WWP1: variants seen among roughly 807,000 people sequenced by gnomAD.
The protein encoded by WWP1 is NEDD4-like E3 ubiquitin-protein ligase WWP1.
WWP1 carries 49 observed loss-of-function variants against 130.6 expected under a neutral mutation model. The observed-to-expected ratio is 0.38, with a 90% confidence interval of 0.30 to 0.48. The LOEUF is 0.48. WWP1 is among the 20% of genes least tolerant of loss of function. WWP1 has a pLI of 0.99. For missense variants in WWP1, 809 were observed against 1,100.6 expected (o/e 0.74, Z 3.75); for synonymous variants, 332 against 367.8 (o/e 0.90, Z 1.11).
chr8:86,352,777 C>T (rs1396810426), intron 1 of WWP1, among the ~76,000 whole-genome samples: 1 of 152,178 alleles, frequency 6.6e-6, no homozygotes, highest in Non-Finnish European at 1.5e-5. Flanking sequence ...GGACTTGATC[C>T]AAACAAACTC....
At chr8:86,462,174 G>A (rs576310069) in intron 24 of WWP1, among the ~76,000 whole-genome samples, 56 of 152,228 alleles carry the variant, frequency 3.7e-4, no homozygotes, top group African/African-American at 1.1e-3. Context: ...ATAACTATTT[G>A]CAAATCCTGG....
At chr8:86,359,645 T>C (rs978641893) in intron 1 of WWP1, among the ~76,000 whole-genome samples, 1 of 152,162 alleles carries the variant, frequency 6.6e-6, no homozygotes, top group Non-Finnish European at 1.5e-5. Context: ...TGTCTATACC[T>C]GTGTTTAATC....
At chr8:86,345,466 G>T (rs1333969697) in intron 1 of WWP1, among the ~76,000 whole-genome samples, 1 of 152,120 alleles carries the variant, frequency 6.6e-6, no homozygotes. Context: ...CTGGAGTGCA[G>T]TGGCGCCTTC....
chr8:86,431,865 G>T (rs1158483045), intron 14 of WWP1, 122 bp downstream of exon 14: 2 of 1,285,608 alleles, frequency 1.6e-6, no homozygotes, highest in East Asian at 4.8e-5. Flanking sequence ...ACCTACACAA[G>T]TGAAACCTTA....
chr8:86,360,750 G>T lies in WWP1; in HGVS notation c.-114-8189G>T, dbSNP rs1823545268. Among the ~76,000 whole-genome samples the T allele has an allele frequency of 2.0e-5, 3 of 152,228 alleles. No individual in the cohort carries two copies. In the South Asian group the frequency reaches 6.2e-4, roughly 32 times the overall value. ...AGGGATCTTACCTTGCAGAGTTGGG[G>T]GTATGGATAGAAGTGAGAGGACAAA... is the stretch of plus-strand genomic sequence containing the variant. On this transcript the variant is annotated intron_variant, in intron 1 of 24. Coordinates refer to ENST00000517970, the MANE Select transcript of WWP1 (RefSeq NM_007013.4).
chr8:86,412,083 G>A (rs990509489), intron 9 of WWP1, among the ~76,000 whole-genome samples: 6 of 152,104 alleles, frequency 3.9e-5, no homozygotes, highest in Admixed American at 6.6e-5. Flanking sequence ...TATGTAGTAC[G>A]AAGGGAAAAG....
chr8:86,465,438 C>T (rs1812018771), intron 24 of WWP1, among the ~76,000 whole-genome samples: 1 of 152,020 alleles, frequency 6.6e-6, no homozygotes, highest in Non-Finnish European at 1.5e-5. Context: ...GCCTGGGCAA[C>T]ATGACAAAAC....
In WWP1 at chr8:86,443,442, G is replaced by C. The variant is rs182088008; in HGVS notation, c.1998+664G>C. Among the ~76,000 whole-genome samples, 118 of 152,234 alleles carry C rather than the reference G, an allele frequency of 7.8e-4. 1 individual carries two copies. In the South Asian group the frequency reaches 0.016, roughly 20 times the overall value. ...TTTGATTGTTTTTGGAATTTTAAGCGCTTTGCAGAAGCCCTTATGGAACTA... is the reference window on the plus strand; with the variant it reads ...TTTGATTGTTTTTGGAATTTTAAGCCCTTTGCAGAAGCCCTTATGGAACTA... On this transcript the variant is annotated intron_variant, in intron 18 of 24. Transcript: ENST00000517970.
At chr8:86,360,956 G>A (rs1823558025) in intron 1 of WWP1, among the ~76,000 whole-genome samples, 1 of 152,188 alleles carries the variant, frequency 6.6e-6, no homozygotes, top group African/African-American at 2.4e-5. Flanking sequence ...AGGCTCCTTT[G>A]CAGCATTCAG....
intron 10 of WWP1, among the ~76,000 whole-genome samples, chr8:86,427,329 A>G (rs886249551): frequency 6.6e-6 from 1 of 152,158 alleles, no homozygotes; most frequent in Non-Finnish European, 1.5e-5. Context: ...GCAAACGACC[A>G]TGGCACATGT....
chr8:86,425,084 CT>C, intron 9 of WWP1, 138 bp from the exon 10 acceptor site: 1 of 539,638 alleles, frequency 1.9e-6, no homozygotes, highest in Non-Finnish European at 3.2e-6. Flanking sequence ...ATATAATAGC[CT>C]TTATATATAT....
intron 17 of WWP1, 73 bp downstream of exon 17, chr8:86,438,746 C>T: frequency 3.2e-6 from 4 of 1,242,786 alleles, no homozygotes; most frequent in Non-Finnish European, 4.4e-6. Context: ...TTCTTCAAAA[C>T]ATATGTGAAT....
intron 24 of WWP1, 136 bp downstream of exon 24, chr8:86,461,982 A>G (rs1811791610): frequency 1.5e-6 from 1 of 678,692 alleles, no homozygotes. Context: ...GAACAGATTA[A>G]TACAGCATTC....
intron 5 of WWP1, among the ~76,000 whole-genome samples, chr8:86,385,370 G>C (rs1054675245): frequency 3.3e-5 from 5 of 152,126 alleles, no homozygotes; most frequent in African/African-American, 1.2e-4. Flanking sequence ...AAAGAAAGTA[G>C]GCTGAGTTTT....
At chr8:86,389,200 C>T (rs1351423287) in intron 5 of WWP1, among the ~76,000 whole-genome samples, 12 of 148,944 alleles carry the variant, frequency 8.1e-5, no homozygotes, top group African/African-American at 2.2e-4. Context: ...GGGTGTTTCT[C>T]GGAGAGGGGG....
intron 22 of WWP1, 50 bp from the exon 23 acceptor site, chr8:86,461,174 T>C: frequency 6.8e-7 from 1 of 1,462,132 alleles, no homozygotes; most frequent in Non-Finnish European, 9.6e-7. Context: ...ACTTTCATGA[T>C]TGAAGATAGT....
rs1355664240 is a variant in WWP1 at position 86,342,619 on chromosome 8, C to G, written c.-426C>G. ...CGGTGCCGGGGCCGGCGGGGAGGCG[C>G]GCGCTTAGGGCGCGGCGCCGGCGAC... On this transcript the variant is annotated 5_prime_UTR_variant, in exon 1 of 25. Transcript: ENST00000517970. The G allele has an allele frequency of 1.0e-5, 2 of 198,704 alleles. No individual in the cohort carries two copies. The highest frequency in any genetic ancestry group is 9.9e-6 in the Non-Finnish European group (1 of 100,540). The allele number at this position is 198,704 out of a possible 1,614,324, so 12.3% of individuals were successfully genotyped here. A position where few individuals can be genotyped will look rare whatever the true frequency, so the allele number is the denominator to read the frequency against.
intron 7 of WWP1, among the ~76,000 whole-genome samples, chr8:86,400,284 A>G (rs1807899402): frequency 6.6e-6 from 1 of 151,740 alleles, no homozygotes; most frequent in South Asian, 2.1e-4. Flanking sequence ...GTGAGCTGAG[A>G]TCGCGCCATT....
chr8:86,393,808 C>T (rs1371676067), intron 5 of WWP1, among the ~76,000 whole-genome samples: 1 of 152,246 alleles, frequency 6.6e-6, no homozygotes, highest in African/African-American at 2.4e-5. Flanking sequence ...CAACACCCTT[C>T]TGTAGTCCCC....
Sources: allele counts gnomAD v4.1 joint callset (sites outside exome capture counted in the v4.1 genomes callset), GRCh38; gene constraint gnomAD v4.1.1; transcripts MANE v1.5; gene names NCBI Gene and HGNC (gene_info 2026-07-23, HGNC 2026-07-21).